Variants in DYNC2I2 observed in about 807,000 individuals in gnomAD.
DYNC2I2 encodes cytoplasmic dynein 2 intermediate chain 2.
Under a neutral mutation model 52.0 loss-of-function variants are expected in DYNC2I2, and 39 were observed. That is an observed-to-expected ratio of 0.75 (90% CI 0.58 to 0.98). The LOEUF is 0.98. DYNC2I2 is among the 50% of genes least tolerant of loss of function. DYNC2I2 has a pLI of 0.00. For missense variants in DYNC2I2, 743 were observed against 728.4 expected (o/e 1.02, Z -0.23); for synonymous variants, 359 against 321.1 (o/e 1.12, Z -1.26).
the DYNC2I2 span, among the ~76,000 whole-genome samples, chr9:128,666,206 T>C: frequency 6.7e-6 from 1 of 150,294 alleles, no homozygotes; most frequent in South Asian, 2.1e-4. Context: ...AGAAAACCCA[T>C]CTCTACTAAA....
chr9:128,670,953 G>C, the DYNC2I2 span, among the ~76,000 whole-genome samples: 1 of 151,478 alleles, frequency 6.6e-6, no homozygotes. Context: ...TGTAATCCCA[G>C]CTACTTGGGA....
At chr9:128,682,864 G>C in the DYNC2I2 span, among the ~76,000 whole-genome samples, 2 of 148,094 alleles carry the variant, frequency 1.4e-5, no homozygotes, top group African/African-American at 5.0e-5. Context: ...TTTTAGTAGA[G>C]ACGGGGTTTC....
At chr9:128,654,781 C>T (rs956301936) in intron 1 of DYNC2I2, among the ~76,000 whole-genome samples, 3 of 152,140 alleles carry the variant, frequency 2.0e-5, no homozygotes, top group African/African-American at 4.8e-5. Flanking sequence ...ACTTAGCCCA[C>T]GCTCACTCCT....
chr9:128,636,401 C>A lies in DYNC2I2; in HGVS notation c.583G>T (p.Val195Leu). 6.2e-7 allele frequency: 1 copy of A among 1,610,364 alleles called. No homozygotes were observed. Among genetic ancestry groups the A allele is most frequent in the Non-Finnish European group, 8.5e-7 (1 of 1,179,076 alleles). Residue 195 changes from valine (V) to leucine (L), a missense_variant, in exon 4 of 9, where the codon GTG becomes TTG. Transcript: ENST00000372715. ...CGCCGGTCCAGGTTCCAGGCACACACGAAGGACTTAAGCGTGCTCCAGTCC... is the reference window on the plus strand; with the variant it reads ...CGCCGGTCCAGGTTCCAGGCACACAAGAAGGACTTAAGCGTGCTCCAGTCC... ...HGDWSTLKSFVCAWNLDRRDL... is the reference protein window; with the variant it reads ...HGDWSTLKSFLCAWNLDRRDL...
chr9:128,676,124 C>T, the DYNC2I2 span, among the ~76,000 whole-genome samples: 1 of 151,988 alleles, frequency 6.6e-6, no homozygotes, highest in Non-Finnish European at 1.5e-5. Flanking sequence ...GCTATGATCA[C>T]ACCACTGCAT....
In DYNC2I2 at chr9:128,640,893, T is replaced by G; in HGVS notation, c.233A>C (p.Gln78Pro). The G allele has an allele frequency of 1.9e-6, 3 of 1,608,960 alleles. No homozygotes were observed. Among genetic ancestry groups the G allele is most frequent in the Non-Finnish European group, 2.5e-6 (3 of 1,176,904 alleles). ...ASIATASASA[Q>P]ARNHVDAQVQ... ...CTGGGCGTCCACATGATTCCTGGCC[T>G]GGGCGGATGCACTGGCAGTGGCAAT... The change falls in exon 2 of 9, where the codon CAG becomes CCG. Residue 78 changes from glutamine (Q) to proline (P), a missense_variant. Gln to Pro is a moderately conservative substitution (Grantham distance 76). Coordinates refer to ENST00000372715, the MANE Select transcript of DYNC2I2 (RefSeq NM_052844.4).
At chr9:128,634,594 G>A (rs1289623977) in intron 7 of DYNC2I2, 95 bp downstream of exon 7, 4 of 1,360,216 alleles carry the variant, frequency 2.9e-6, no homozygotes, top group East Asian at 5.1e-5. Context: ...CAGAAGGCAA[G>A]CACTTGAAGC....
At chr9:128,649,227 G>A (rs1589435511) in intron 1 of DYNC2I2, among the ~76,000 whole-genome samples, 3 of 151,912 alleles carry the variant, frequency 2.0e-5, no homozygotes, top group South Asian at 4.2e-4. Context: ...GGAGGCTCAC[G>A]TGAGGCCAGT....
chr9:128,634,872 C>A lies in DYNC2I2; in HGVS notation c.1031G>T (p.Ser344Ile). Residue 344 changes from serine to isoleucine, a missense_variant, in exon 7 of 9, where the codon AGC becomes ATC. Ser to Ile is a moderately radical substitution (Grantham distance 142, BLOSUM62 -2). Coordinates refer to ENST00000372715, the MANE Select transcript of DYNC2I2 (RefSeq NM_052844.4). ...CAGAATGAACAGCCTAGGGTCAAAG[C>A]TGGAGAAGGCCACTGCCGTGGCGCC... ...EVGATAVAFS[S>I]FDPRLFILGT... 6.2e-7 allele frequency: 1 copy of A among 1,613,392 alleles called. No homozygotes were observed. The highest frequency in any genetic ancestry group is 8.5e-7 in the Non-Finnish European group (1 of 1,179,938).
chr9:128,640,872 G>C lies in DYNC2I2; in HGVS notation c.254C>G (p.Ala85Gly), dbSNP rs774562660. The C allele has an allele frequency of 1.9e-6, 3 of 1,613,490 alleles. No individual in the cohort carries two copies. In the African/African-American group the frequency reaches 4.0e-5, roughly 22 times the overall value. The change falls in exon 2 of 9, where the codon GCC becomes GGC. Residue 85 changes from alanine (A) to glycine (G), a missense_variant. Ala to Gly is a moderately conservative substitution (Grantham distance 60). Transcript: ENST00000372715. ...CACGGGGGCCTCCGTCTGCACCTGG[G>C]CGTCCACATGATTCCTGGCCTGGGC... ...ASAQARNHVD[A>G]QVQTEAPVPV...
At chr9:128,664,891 A>C in the DYNC2I2 span, among the ~76,000 whole-genome samples, 1 of 151,750 alleles carries the variant, frequency 6.6e-6, no homozygotes, top group Non-Finnish European at 1.5e-5. Context: ...GGAAGGCCTA[A>C]GGGTGGAGGA....
chr9:128,662,165 G>A, the DYNC2I2 span, among the ~76,000 whole-genome samples: 1 of 151,892 alleles, frequency 6.6e-6, no homozygotes, highest in East Asian at 2.0e-4. Context: ...CCTGGGAGGC[G>A]GAGGTTGCAG....
intron 3 of DYNC2I2, 145 bp downstream of exon 3, chr9:128,636,773 C>G: frequency 1.5e-6 from 1 of 681,878 alleles, no homozygotes; most frequent in Non-Finnish European, 2.5e-6. Flanking sequence ...CACTTGTTGT[C>G]AACCCTGCCC....
At chr9:128,682,950 A>G in the DYNC2I2 span, among the ~76,000 whole-genome samples, 5 of 150,852 alleles carry the variant, frequency 3.3e-5, 1 homozygote, top group African/African-American at 1.2e-4. Flanking sequence ...TGCTGGGATT[A>G]CAGGCTTGAG....
chr9:128,634,871 GC>G lies in DYNC2I2; in HGVS notation c.1031del (p.Ser344ThrfsTer55). On this transcript the variant is annotated frameshift_variant, in exon 7 of 9. Transcript: ENST00000372715. LOFTEE classifies it high-confidence loss of function. ...CCAGAATGAACAGCCTAGGGTCAAA[GC>G]TGGAGAAGGCCACTGCCGTGGCGCC... The part of the protein sequence containing the change: ...EVGATAVAFS[S>X]FDPRLFILGT... 6.2e-7 allele frequency: 1 copy of G among 1,613,416 alleles called. No homozygotes were observed. The highest frequency in any genetic ancestry group is 8.5e-7 in the Non-Finnish European group (1 of 1,179,966).
At chr9:128,666,868 A>AC in the DYNC2I2 span, among the ~76,000 whole-genome samples, 1 of 152,026 alleles carries the variant, frequency 6.6e-6, no homozygotes, top group South Asian at 2.1e-4. Context: ...GAAGTTCAAG[A>AC]CCAGCCTGAG....
At chr9:128,679,285 C>T in the DYNC2I2 span, among the ~76,000 whole-genome samples, 1,680 of 152,082 alleles carry the variant, frequency 0.011, 16 homozygotes, top group South Asian at 0.057. Flanking sequence ...ACACCTGTGA[C>T]TTTCAAAATG....
chr9:128,675,645 C>A, the DYNC2I2 span, among the ~76,000 whole-genome samples: 1 of 152,178 alleles, frequency 6.6e-6, no homozygotes, highest in African/African-American at 2.4e-5. Context: ...CCATCCCAAG[C>A]GGACAGGTGA....
At chr9:128,649,122 T>G (rs909085689) in intron 1 of DYNC2I2, among the ~76,000 whole-genome samples, 1 of 152,186 alleles carries the variant, frequency 6.6e-6, no homozygotes, top group African/African-American at 2.4e-5. Context: ...GGAATTATAC[T>G]TGATGCCTCT....
Sources: allele counts gnomAD v4.1 joint callset (sites outside exome capture counted in the v4.1 genomes callset), GRCh38; gene constraint gnomAD v4.1.1; transcripts MANE v1.5; gene names NCBI Gene and HGNC (gene_info 2026-07-23, HGNC 2026-07-21).